RPH3A: variants seen among roughly 807,000 people sequenced by gnomAD.
RPH3A encodes rabphilin 3A.
A neutral mutation model predicts 102.2 loss-of-function variants in RPH3A; 48 were observed. The ratio of observed to expected loss-of-function variants is 0.47; its 90% CI spans 0.37 to 0.60. The LOEUF is 0.60. Ranked by LOEUF, RPH3A falls within the 20% of genes least tolerant of loss-of-function variation. RPH3A has a pLI of 0.00. For missense variants in RPH3A, 781 were observed against 910.1 expected, an observed-to-expected ratio of 0.86 and a Z score of 1.83; for synonymous variants, 310 against 324.3, an observed-to-expected ratio of 0.96 and a Z score of 0.47.
chr12:112,818,629 C>T (rs1329458468), intron 2 of RPH3A, among the ~76,000 whole-genome samples: 1 of 152,126 alleles, frequency 6.6e-6, no homozygotes, highest in African/African-American at 2.4e-5. Flanking sequence ...TCACAGCAGC[C>T]TAAGGGGTGT....
chr12:112,870,944 C>G (rs1348002886), intron 10 of RPH3A, among the ~76,000 whole-genome samples: 1 of 152,212 alleles, frequency 6.6e-6, no homozygotes, highest in African/African-American at 2.4e-5. Flanking sequence ...CATACATTAT[C>G]TCATTTAATG....
chr12:112,871,187 T>G (rs1007223820), intron 10 of RPH3A, among the ~76,000 whole-genome samples: 1 of 152,264 alleles, frequency 6.6e-6, no homozygotes, highest in African/African-American at 2.4e-5. Flanking sequence ...TTTTAATTGT[T>G]GTAAAATATA....
chr12:112,744,497 C>T (rs1289681973), intron 1 of RPH3A, among the ~76,000 whole-genome samples: 2 of 152,148 alleles, frequency 1.3e-5, no homozygotes, highest in Admixed American at 6.5e-5. Context: ...ACCCATGTTT[C>T]GGAGGGGAGT....
At chr12:112,778,238 G>C (rs2040982134) in intron 1 of RPH3A, among the ~76,000 whole-genome samples, 1 of 152,180 alleles carries the variant, frequency 6.6e-6, no homozygotes, top group Non-Finnish European at 1.5e-5. Context: ...AAATGAGAGA[G>C]AGATTATATT....
chr12:112,726,396 T>A (rs573666939), intron 1 of RPH3A, among the ~76,000 whole-genome samples: 5 of 152,254 alleles, frequency 3.3e-5, no homozygotes, highest in Non-Finnish European at 7.3e-5. Context: ...ATTATAGGCA[T>A]GAAGGTGCGA....
chr12:112,594,405 C>T (rs527967233), intron 1 of RPH3A, among the ~76,000 whole-genome samples: 1 of 152,256 alleles, frequency 6.6e-6, no homozygotes, highest in African/African-American at 2.4e-5. Flanking sequence ...ACATACCCAC[C>T]CACCCATCTC....
chr12:112,748,869 G>A (rs2040765710), intron 1 of RPH3A, among the ~76,000 whole-genome samples: 1 of 152,056 alleles, frequency 6.6e-6, no homozygotes. Flanking sequence ...TGTTTGCCTT[G>A]TATGGGGCTT....
At chr12:112,786,683 A>G (rs1443598786) in intron 1 of RPH3A, among the ~76,000 whole-genome samples, 1 of 152,142 alleles carries the variant, frequency 6.6e-6, no homozygotes, top group East Asian at 1.9e-4. Flanking sequence ...AGGTTGTAGT[A>G]TGATTGAAGC....
chr12:112,819,845 G>T (rs952790773), intron 2 of RPH3A, among the ~76,000 whole-genome samples: 5 of 152,236 alleles, frequency 3.3e-5, no homozygotes, highest in Non-Finnish European at 7.3e-5. Context: ...AATGGTGATT[G>T]CAGGGTTGCT....
intron 5 of RPH3A, 69 bp from the exon 6 acceptor site, chr12:112,865,345 T>C (rs2042591345): frequency 1.3e-6 from 2 of 1,571,030 alleles, no homozygotes; most frequent in East Asian, 2.2e-5. Context: ...ACTATCAACC[T>C]GACACTGTGG....
chr12:112,835,726 T>A (rs2384068), intron 3 of RPH3A, among the ~76,000 whole-genome samples: 1 of 152,044 alleles, frequency 6.6e-6, no homozygotes, highest in Non-Finnish European at 1.5e-5. Context: ...GCTGGCTAGC[T>A]AGATACGCTT....
At chr12:112,691,256 C>G (rs2040304951) in intron 1 of RPH3A, among the ~76,000 whole-genome samples, 1 of 152,196 alleles carries the variant, frequency 6.6e-6, no homozygotes, top group African/African-American at 2.4e-5. Context: ...TCGTGATCCG[C>G]CCGCCTCGGC....
At chr12:112,582,004 G>T (rs1301911295) in intron 1 of RPH3A, among the ~76,000 whole-genome samples, 7 of 147,386 alleles carry the variant, frequency 4.7e-5, no homozygotes, top group African/African-American at 1.8e-4. Flanking sequence ...GTTTTTTCTT[G>T]TTATGAAGAG....
At chr12:112,860,901 C>G (rs2042499518) in intron 5 of RPH3A, among the ~76,000 whole-genome samples, 1 of 152,246 alleles carries the variant, frequency 6.6e-6, no homozygotes, top group South Asian at 2.1e-4. Context: ...TCCCCCGCCT[C>G]CATGAGCCCA....
rs546443999 is a variant in RPH3A at position 112,634,924 on chromosome 12, T to C, written c.-140+59605T>C. On this transcript the variant is annotated intron_variant, in intron 1 of 21. Transcript: ENST00000543106. ...ATATTTAACTAGAATTTTACATCAT[T>C]TTGTTTCCATTGTTTTTACATTTTT... Among the ~76,000 whole-genome samples the C allele has an allele frequency of 5.3e-5, 8 of 152,348 alleles. No individual in the cohort carries two copies. The South Asian group carries it at 1.7e-3, about 32-fold the overall frequency.
chr12:112,682,008 G>A (rs4766648), intron 1 of RPH3A, among the ~76,000 whole-genome samples: 37,252 of 152,074 alleles, frequency 0.24, 4,947 homozygotes, highest in Admixed American at 0.32. Context: ...TGGATTAGTC[G>A]GGACAAGACC....
intron 18 of RPH3A, 142 bp from the exon 19 acceptor site, chr12:112,890,707 A>G (rs10744784): frequency 0.41 from 346,129 of 836,298 alleles, 74,421 homozygotes; most frequent in East Asian, 0.59. Context: ...TTGGAGGCTA[A>G]GCCATCTGCT....
intron 2 of RPH3A, among the ~76,000 whole-genome samples, chr12:112,793,564 T>C (rs2041168083): frequency 6.6e-6 from 1 of 152,220 alleles, no homozygotes; most frequent in Non-Finnish European, 1.5e-5. Flanking sequence ...GGTTGTCTGG[T>C]GGTTAGTGTC....
intron 1 of RPH3A, among the ~76,000 whole-genome samples, chr12:112,740,483 CCT>C (rs2040701009): frequency 6.6e-6 from 1 of 152,198 alleles, no homozygotes; most frequent in East Asian, 1.9e-4. Context: ...CTCTCTTCCT[CCT>C]CTCTTTCACC....
Sources: gnomAD v4.1 joint callset for allele counts (sites outside exome capture counted in the v4.1 genomes callset) on GRCh38, gnomAD v4.1.1 for gene constraint, MANE v1.5 for transcripts, NCBI Gene and HGNC (gene_info 2026-07-23, HGNC 2026-07-21) for gene names.